Variants in SYNDIG1 observed in about 807,000 individuals in gnomAD.
SYNDIG1 encodes the protein synapse differentiation inducing 1.
Under a neutral mutation model 19.4 loss-of-function variants are expected in SYNDIG1, and 9 were observed. The observed-to-expected ratio is 0.46, with a 90% CI of 0.28 to 0.81. The LOEUF is 0.81. Among genes scored for constraint, SYNDIG1 ranks in the 30% least tolerant of loss-of-function variants. SYNDIG1 has a pLI of 0.12. For synonymous variants in SYNDIG1, 141 were observed against 145.9 expected, an observed-to-expected ratio of 0.97 and a Z score of 0.24; for missense variants, 311 against 343.3, an observed-to-expected ratio of 0.91 and a Z score of 0.74.
intron 3 of SYNDIG1, among the ~76,000 whole-genome samples, chr20:24,654,650 G>GAGGAAGGAGGGAAGGA (rs1555817709): frequency 8.5e-6 from 1 of 117,352 alleles, no homozygotes; most frequent in African/African-American, 3.4e-5. Flanking sequence ...GGGAGGGAGG[G>GAGGAAGGAGGGAAGGA]AGGAAGGAAG....
At position 24,473,613 on chromosome 20, in the gene SYNDIG1, G is replaced by A. The variant is rs543150064; in HGVS notation, c.-79+3860G>A. Among the ~76,000 whole-genome samples the A allele has an allele frequency of 1.1e-3, 166 of 152,236 alleles. 1 individual carries two copies. Among genetic ancestry groups the A allele is most frequent in the Non-Finnish European group, 1.7e-3 (114 of 68,024 alleles). On this transcript the variant is annotated intron_variant, in intron 1 of 3. Coordinates refer to ENST00000376862, the MANE Select transcript of SYNDIG1 (RefSeq NM_024893.3). ...ATATTGGATTGCACGGGGAGTGGGG[G>A]AGGGACGCACTGGGGAGACAGGCGT...
intron 2 of SYNDIG1, among the ~76,000 whole-genome samples, chr20:24,564,331 T>A (rs1041979008): frequency 6.6e-6 from 1 of 152,200 alleles, no homozygotes; most frequent in Non-Finnish European, 1.5e-5. Context: ...CACATTAAAA[T>A]CCAAAGGTGA....
intron 3 of SYNDIG1, chr20:24,596,847 A>G (rs1355417802): frequency 6.6e-6 from 1 of 152,190 alleles, no homozygotes; most frequent in East Asian, 1.9e-4. Context: ...AGATCGATTC[A>G]TTGGCCGTCG....
rs116332524 is a variant in SYNDIG1 at position 24,654,307 on chromosome 20, T to C, written c.619-11039T>C. 6.6e-3 allele frequency among the ~76,000 whole-genome samples: 1,011 copies of C among 152,118 alleles called. 9 individuals are homozygous for C. The highest frequency in any genetic ancestry group is 0.022 in the African/African-American group (924 of 41,476). On this transcript the variant is annotated intron_variant, in intron 3 of 3. Coordinates refer to ENST00000376862, the MANE Select transcript of SYNDIG1 (RefSeq NM_024893.3). ...GTGAGGGTCAGGGGAAGGATTCTGA[T>C]TGATAGAGAGACAAAGCAGGAAGTA...
At chr20:24,633,444 G>C (rs182419867) in intron 3 of SYNDIG1, among the ~76,000 whole-genome samples, 1 of 152,264 alleles carries the variant, frequency 6.6e-6, no homozygotes, top group East Asian at 1.9e-4. Context: ...AGGTGTAGGG[G>C]AGGCTCAGAA....
rs538657093 is a variant in SYNDIG1, at chr20:24,642,519, G to A, written c.619-22827G>A. On this transcript the variant is annotated intron_variant, in intron 3 of 3. Transcript: ENST00000376862. ...CACTTAGATAAATGTTTTGGAACTT[G>A]TCTGTGTGGGAGATTTGTCTACCCT... is the stretch of plus-strand genomic sequence containing the variant. 9.8e-5 allele frequency among the ~76,000 whole-genome samples: 15 copies of A among 152,288 alleles called. No homozygotes were observed. The South Asian group carries it at 3.1e-3, about 32-fold the overall frequency.
chr20:24,503,935 C>T (rs905730728), intron 1 of SYNDIG1, among the ~76,000 whole-genome samples: 57 of 149,924 alleles, frequency 3.8e-4, no homozygotes, highest in African/African-American at 1.4e-3. Context: ...AAAGCAGATC[C>T]GTGGGATCCA....
intron 1 of SYNDIG1, among the ~76,000 whole-genome samples, chr20:24,484,846 T>C (rs2055911442): frequency 6.6e-6 from 1 of 152,122 alleles, no homozygotes; most frequent in African/African-American, 2.4e-5. Context: ...CCAAAACTCA[T>C]GTTGAAATTT....
intron 3 of SYNDIG1, among the ~76,000 whole-genome samples, chr20:24,640,353 G>A (rs1164721367): frequency 7.2e-6 from 1 of 139,270 alleles, no homozygotes; most frequent in Non-Finnish European, 1.6e-5. Flanking sequence ...GACATTGAGA[G>A]CGAGAGAGAG....
At chr20:24,564,893 G>T (rs1002709493) in intron 2 of SYNDIG1, among the ~76,000 whole-genome samples, 1 of 152,222 alleles carries the variant, frequency 6.6e-6, no homozygotes, top group Non-Finnish European at 1.5e-5. Context: ...CAGAAGAAAA[G>T]ATGTTTTCCT....
At chr20:24,478,034 C>G (rs1207759105) in intron 1 of SYNDIG1, among the ~76,000 whole-genome samples, 1 of 152,238 alleles carries the variant, frequency 6.6e-6, no homozygotes, top group Non-Finnish European at 1.5e-5. Context: ...CTTGGTAGAA[C>G]CAGGTAAGCC....
chr20:24,580,676 T>C (rs1156626597), intron 2 of SYNDIG1, among the ~76,000 whole-genome samples: 1 of 152,190 alleles, frequency 6.6e-6, no homozygotes, highest in Admixed American at 6.5e-5. Flanking sequence ...CCCAAAGTGC[T>C]GAGGTAACAG....
intron 2 of SYNDIG1, among the ~76,000 whole-genome samples, chr20:24,580,956 G>T (rs1181013625): frequency 2.0e-5 from 3 of 152,204 alleles, no homozygotes. Flanking sequence ...CCCAAGCGTT[G>T]ACTAAGATCG....
At chr20:24,562,134 C>A (rs1044917092) in intron 2 of SYNDIG1, among the ~76,000 whole-genome samples, 1 of 151,500 alleles carries the variant, frequency 6.6e-6, no homozygotes, top group Admixed American at 6.6e-5. Flanking sequence ...CTCATTTATT[C>A]CAGATTCTTC....
intron 1 of SYNDIG1, among the ~76,000 whole-genome samples, chr20:24,524,803 C>T (rs2057086537): frequency 6.6e-6 from 1 of 152,178 alleles, no homozygotes; most frequent in Non-Finnish European, 1.5e-5. Context: ...AAGCAGGCTC[C>T]CTGGCTCTCT....
intron 1 of SYNDIG1, among the ~76,000 whole-genome samples, chr20:24,488,534 C>T (rs1378159296): frequency 6.6e-6 from 1 of 152,256 alleles, no homozygotes; most frequent in Admixed American, 6.5e-5. Context: ...TCAAGCCCTT[C>T]TGCAGGCTCC....
At chr20:24,632,212 C>T (rs369340307) in intron 3 of SYNDIG1, among the ~76,000 whole-genome samples, 3 of 152,080 alleles carry the variant, frequency 2.0e-5, no homozygotes, top group East Asian at 1.9e-4. Context: ...TTCCCTGCTG[C>T]GTAGATTTCA....
Position 24,650,459 on chromosome 20 carries a change from G to A in SYNDIG1, c.619-14887G>A, listed in dbSNP as rs73905416. ...CTGTGTGCTCCCACGCAGTCATCACGTACGTAGTCAGCACCATGGAGCCAA... is the reference window on the plus strand; with the variant it reads ...CTGTGTGCTCCCACGCAGTCATCACATACGTAGTCAGCACCATGGAGCCAA... On this transcript the variant is annotated intron_variant, in intron 3 of 3. Transcript: ENST00000376862. Among the ~76,000 whole-genome samples, 1,442 of 152,316 alleles carry A rather than the reference G, an allele frequency of 9.5e-3. 20 individuals carry two copies. The highest frequency in any genetic ancestry group is 0.033 in the African/African-American group (1,379 of 41,560).
At chr20:24,488,141 G>A (rs556912234) in intron 1 of SYNDIG1, among the ~76,000 whole-genome samples, 2 of 150,870 alleles carry the variant, frequency 1.3e-5, no homozygotes, top group South Asian at 4.2e-4. Flanking sequence ...AAATATCTCT[G>A]CATAATACTC....
Sources: allele counts gnomAD v4.1 joint callset (sites outside exome capture counted in the v4.1 genomes callset), GRCh38; gene constraint gnomAD v4.1.1; transcripts MANE v1.5; gene names NCBI Gene and HGNC (gene_info 2026-07-23, HGNC 2026-07-21).